Variants in CDIN1 observed in about 807,000 individuals in gnomAD.
The protein encoded by CDIN1 is CDAN1-interacting nuclease 1.
CDIN1 carries 33 observed loss-of-function variants against 45.3 expected under a neutral mutation model. The observed-to-expected ratio is 0.73, with a 90% confidence interval of 0.55 to 0.97. CDIN1 has a LOEUF of 0.97. Ranked by LOEUF, CDIN1 falls within the 50% of genes least tolerant of loss-of-function variation. The probability of loss-of-function intolerance (pLI) is 0.00; values close to 1 mark genes in which losing one functional copy is unlikely to be tolerated. For synonymous variants in CDIN1, 118 were observed against 124.4 expected (o/e 0.95, Z 0.34); for missense variants, 303 against 339.4 (o/e 0.89, Z 0.84).
intron 1 of CDIN1, among the ~76,000 whole-genome samples, chr15:36,601,664 T>C (rs1229879452): frequency 6.6e-6 from 1 of 152,212 alleles, no homozygotes; most frequent in African/African-American, 2.4e-5. Flanking sequence ...CATTTTTAGC[T>C]TCCTCTTCAA....
At chr15:36,751,890 C>T (rs1253665005) in intron 10 of CDIN1, among the ~76,000 whole-genome samples, 4 of 152,152 alleles carry the variant, frequency 2.6e-5, no homozygotes, top group African/African-American at 7.2e-5. Context: ...AGCAAACTAA[C>T]GCAGGAACAG....
chr15:36,597,092 C>A (rs1451799579), intron 1 of CDIN1, among the ~76,000 whole-genome samples: 3 of 152,086 alleles, frequency 2.0e-5, no homozygotes, highest in Non-Finnish European at 4.4e-5. Context: ...TGCCCCTAAG[C>A]TTATTACATC....
intron 1 of CDIN1, chr15:36,618,825 A>G (rs1199985810): frequency 1.2e-6 from 1 of 817,134 alleles, no homozygotes; most frequent in Non-Finnish European, 2.2e-6. Flanking sequence ...GGTCTCAACC[A>G]GACAACTATA....
chr15:36,726,464 C>T (rs924044657), intron 10 of CDIN1, among the ~76,000 whole-genome samples: 4 of 152,266 alleles, frequency 2.6e-5, no homozygotes, highest in East Asian at 1.9e-4. Flanking sequence ...CTGTGCCAAG[C>T]GTGGCCACCC....
chr15:36,583,508 T>G (rs1156386033), intron 1 of CDIN1, among the ~76,000 whole-genome samples: 1 of 152,218 alleles, frequency 6.6e-6, no homozygotes, highest in African/African-American at 2.4e-5. Flanking sequence ...CTGTAATATC[T>G]TACAACTCCA....
chr15:36,662,581 T>A (rs1215827055), intron 5 of CDIN1, among the ~76,000 whole-genome samples: 1 of 152,070 alleles, frequency 6.6e-6, no homozygotes, highest in Non-Finnish European at 1.5e-5. Context: ...CAGTAGGTGT[T>A]TAGATCTGAT....
intron 10 of CDIN1, among the ~76,000 whole-genome samples, chr15:36,802,344 T>C (rs1312951302): frequency 6.6e-6 from 1 of 152,196 alleles, no homozygotes. Flanking sequence ...TTATATGTAC[T>C]TAGCATCTTT....
chr15:36,623,456 A>T (rs2140320257), intron 1 of CDIN1, among the ~76,000 whole-genome samples: 1 of 152,334 alleles, frequency 6.6e-6, no homozygotes, highest in Middle Eastern at 3.4e-3. Context: ...CGAATGATGA[A>T]CTCAGATCTG....
At chr15:36,767,753 A>T (rs989498552) in intron 10 of CDIN1, among the ~76,000 whole-genome samples, 5 of 152,138 alleles carry the variant, frequency 3.3e-5, no homozygotes, top group African/African-American at 1.2e-4. Flanking sequence ...TTTTTGAATC[A>T]TGTGTAGAGT....
At chr15:36,698,176 A>G (rs935484152) in intron 8 of CDIN1, among the ~76,000 whole-genome samples, 1 of 152,230 alleles carries the variant, frequency 6.6e-6, no homozygotes, top group Non-Finnish European at 1.5e-5. Flanking sequence ...GGTTTTTTCC[A>G]AAATGGGCAA....
intron 1 of CDIN1, among the ~76,000 whole-genome samples, chr15:36,606,101 G>A (rs1233280278): frequency 1.3e-5 from 2 of 151,772 alleles, no homozygotes; most frequent in African/African-American, 4.8e-5. Context: ...CCTTCTCTCT[G>A]CTGATCTGAA....
chr15:36,671,402 A>G (rs541727951), intron 5 of CDIN1, among the ~76,000 whole-genome samples: 2 of 152,272 alleles, frequency 1.3e-5, no homozygotes, highest in East Asian at 1.9e-4. Context: ...TGACAAGTGG[A>G]TGAAAAAAGG....
At chr15:36,597,014 G>A (rs1055001403) in intron 1 of CDIN1, among the ~76,000 whole-genome samples, 4 of 152,076 alleles carry the variant, frequency 2.6e-5, no homozygotes, top group Non-Finnish European at 2.9e-5. Flanking sequence ...TCTGTTTGCC[G>A]TCATTGTTGG....
intron 1 of CDIN1, among the ~76,000 whole-genome samples, chr15:36,592,997 C>T (rs2140195280): frequency 6.6e-6 from 1 of 152,160 alleles, no homozygotes; most frequent in East Asian, 1.9e-4. Flanking sequence ...AGGGAAGATA[C>T]CTAATTGGTA....
chr15:36,791,652 T>C (rs1354453944), intron 10 of CDIN1, among the ~76,000 whole-genome samples: 1 of 152,130 alleles, frequency 6.6e-6, no homozygotes, highest in Admixed American at 6.6e-5. Context: ...ATTTAGTATC[T>C]AGTATTGAAT....
In CDIN1 at chr15:36,582,560, A is replaced by G. The variant is rs115937893; in HGVS notation, c.101+2599A>G. Among the ~76,000 whole-genome samples, 374 of 152,322 alleles carry G rather than the reference A, an allele frequency of 2.5e-3. 2 individuals are homozygous for G. The highest frequency in any genetic ancestry group is 8.5e-3 in the African/African-American group (353 of 41,572). On this transcript the variant is annotated intron_variant, in intron 1 of 10. Coordinates refer to ENST00000566621, the MANE Select transcript of CDIN1 (RefSeq NM_001321759.2). ...TTTTACTCACCATTGTTTTTGTACCATAAGTCCAAATGTGAATACAGCGCA... is the reference window on the plus strand; with the variant it reads ...TTTTACTCACCATTGTTTTTGTACCGTAAGTCCAAATGTGAATACAGCGCA...
chr15:36,621,533 C>G (rs2039191179), intron 1 of CDIN1, among the ~76,000 whole-genome samples: 1 of 152,084 alleles, frequency 6.6e-6, no homozygotes, highest in Non-Finnish European at 1.5e-5. Context: ...GTGAAACATA[C>G]AATGAAACTA....
intron 4 of CDIN1, 75 bp downstream of exon 4, chr15:36,654,233 A>G (rs564055198): frequency 4.0e-6 from 5 of 1,236,510 alleles, no homozygotes; most frequent in African/African-American, 3.0e-5. Flanking sequence ...TTTGCTTACA[A>G]TTATAACTAC....
intron 4 of CDIN1, among the ~76,000 whole-genome samples, chr15:36,657,443 G>T (rs1019407178): frequency 6.6e-6 from 1 of 152,056 alleles, no homozygotes; most frequent in Non-Finnish European, 1.5e-5. Context: ...ATTTGAAATT[G>T]CATTCAGAAC....
Sources: gnomAD v4.1 joint callset for allele counts (sites outside exome capture counted in the v4.1 genomes callset) on GRCh38, gnomAD v4.1.1 for gene constraint, MANE v1.5 for transcripts, NCBI Gene and HGNC (gene_info 2026-07-23, HGNC 2026-07-21) for gene names.